NDST1: variants seen among roughly 807,000 people sequenced by gnomAD.
NDST1 encodes the protein bifunctional heparan sulfate N-deacetylase/N-sulfotransferase 1.
NDST1 carries 35 observed loss-of-function variants against 92.8 expected under a neutral mutation model. That is an observed-to-expected ratio of 0.38 (90% confidence interval 0.29 to 0.50). The LOEUF (loss-of-function observed/expected upper bound fraction) is 0.50. Among genes scored for constraint, NDST1 ranks in the 20% least tolerant of loss-of-function variants. The pLI is 0.94. For synonymous variants in NDST1, 493 were observed against 500.3 expected, an observed-to-expected ratio of 0.99 and a Z score of 0.19; for missense variants, 822 against 1,182.7, an observed-to-expected ratio of 0.69 and a Z score of 4.47.
intron 1 of NDST1, among the ~76,000 whole-genome samples, chr5:150,512,253 G>C (rs778639906): frequency 3.7e-4 from 56 of 152,192 alleles, no homozygotes; most frequent in Non-Finnish European, 5.3e-4. Flanking sequence ...TGTGTGTTGG[G>C]GGGGCAGGGA....
At chr5:150,529,946 A>G (rs935614277) in intron 3 of NDST1, among the ~76,000 whole-genome samples, 4 of 152,218 alleles carry the variant, frequency 2.6e-5, no homozygotes, top group African/African-American at 9.6e-5. Context: ...AATGGATGAC[A>G]TTCGGGAGCA....
chr5:150,534,562 G>A (rs554692999), intron 4 of NDST1, among the ~76,000 whole-genome samples: 1 of 152,344 alleles, frequency 6.6e-6, no homozygotes, highest in African/African-American at 2.4e-5. Flanking sequence ...ATCAGAGCAG[G>A]TATGTCAGAG....
intron 5 of NDST1, 117 bp from the exon 6 acceptor site, chr5:150,535,583 G>T: frequency 7.5e-7 from 1 of 1,340,816 alleles, no homozygotes; most frequent in Non-Finnish European, 1.1e-6. Context: ...TGAAGTCTCA[G>T]ACCAGCAGCC....
At position 150,517,434 on chromosome 5, in the gene NDST1, C is replaced by A. The variant is rs546513948; in HGVS notation, c.-387-3434C>A. Among the ~76,000 whole-genome samples, 3 of 152,170 alleles carry A rather than the reference C, an allele frequency of 2.0e-5. No homozygotes were observed. The South Asian group carries it at 6.2e-4, about 32-fold the overall frequency. ...GGACTGCAGGTGTGAGCCACTGTGC[C>A]CAACCCAGAGTGGTAAATTTGTTGC... On this transcript the variant is annotated intron_variant, in intron 1 of 14. Coordinates refer to ENST00000261797, the MANE Select transcript of NDST1 (RefSeq NM_001543.5).
chr5:150,551,635 G>A, intron 13 of NDST1, 118 bp from the exon 14 acceptor site: 2 of 1,288,540 alleles, frequency 1.6e-6, no homozygotes, highest in Non-Finnish European at 2.2e-6. Flanking sequence ...AGTCCATGTG[G>A]GTTCAAGAGC....
chr5:150,539,908 CG>C, intron 7 of NDST1, 173 bp from the exon 8 acceptor site: 1 of 746,226 alleles, frequency 1.3e-6, no homozygotes, highest in Non-Finnish European at 1.6e-6. Flanking sequence ...AGGCCTGGTT[CG>C]TCTGTCACCT....
intron 1 of NDST1, among the ~76,000 whole-genome samples, chr5:150,500,976 C>G (rs975303939): frequency 1.3e-5 from 2 of 152,198 alleles, no homozygotes; most frequent in African/African-American, 4.8e-5. Context: ...ATCTGATTGT[C>G]TATGACGACC....
chr5:150,499,693 C>T (rs1360936074), intron 1 of NDST1, among the ~76,000 whole-genome samples: 1 of 152,210 alleles, frequency 6.6e-6, no homozygotes, highest in Non-Finnish European at 1.5e-5. Context: ...TCGAATCCTC[C>T]CCCAAGATAA....
In NDST1 at chr5:150,533,042, C is replaced by T. The variant is rs745559063; in HGVS notation, c.1096+10C>T. The T allele has an allele frequency of 1.6e-5, 26 of 1,612,074 alleles. No homozygotes were observed. Among genetic ancestry groups the T allele is most frequent in the Non-Finnish European group, 1.4e-5 (17 of 1,178,198 alleles). ...AAATTCTTCCACACAGGTAAGTGGG[C>T]CTGCCCCTGCCCTCACTAGCAACTT... On this transcript the variant is annotated intron_variant, in intron 4 of 14. Coordinates refer to ENST00000261797, the MANE Select transcript of NDST1 (RefSeq NM_001543.5).
chr5:150,551,396 TAA>T (rs796458753), intron 13 of NDST1, among the ~76,000 whole-genome samples: 7 of 145,236 alleles, frequency 4.8e-5, no homozygotes, highest in East Asian at 4.0e-4. Flanking sequence ...TTCTTGGGTT[TAA>T]AAAAAAAAAA....
At chr5:150,520,744 A>G in intron 1 of NDST1, 124 bp from the exon 2 acceptor site, 1 of 392,896 alleles carries the variant, frequency 2.5e-6, no homozygotes, top group Non-Finnish European at 4.5e-6. Context: ...GCTCCAAATC[A>G]TGCAACCTTG....
rs772360625 is a variant in NDST1, at chr5:150,549,669, C to T, written c.2317-9C>T. 65 of 1,592,472 alleles carry T rather than the reference C, an allele frequency of 4.1e-5. No homozygotes were observed. Among genetic ancestry groups the T allele is most frequent in the Non-Finnish European group, 5.6e-5 (65 of 1,160,700 alleles). On this transcript the variant is annotated splice_polypyrimidine_tract_variant and intron_variant, in intron 12 of 14. Coordinates refer to ENST00000261797, the MANE Select transcript of NDST1 (RefSeq NM_001543.5). ...AAAGCAGGTCCCGATCCCCTTTCTC[C>T]CTTTCCAGATTCTGGTCTTGGATGG...
At chr5:150,500,332 T>C (rs1247056828) in intron 1 of NDST1, among the ~76,000 whole-genome samples, 3 of 152,216 alleles carry the variant, frequency 2.0e-5, no homozygotes, top group Non-Finnish European at 4.4e-5. Flanking sequence ...TCTTAGTGCA[T>C]GGAGCCCAGG....
rs2151310799 is a variant in NDST1, at chr5:150,557,943, A to C, written c.*4611A>C. The C allele has an allele frequency of 6.6e-6, 1 of 151,218 alleles. No homozygotes were observed. Among genetic ancestry groups the C allele is most frequent in the South Asian group, 2.1e-4 (1 of 4,746 alleles). The allele number at this position is 151,218 out of a possible 1,614,324, so 9.4% of individuals were successfully genotyped here. ...TGTGTTAGCTTTTATTATTAGCAAG[A>C]GGGCTCCTTTTGTAATTTGTGCATG... On this transcript the variant is annotated 3_prime_UTR_variant, in exon 15 of 15. Coordinates refer to ENST00000261797, the MANE Select transcript of NDST1 (RefSeq NM_001543.5). This position sits in a 1 kb window ranked among gnomAD's most constrained non-coding sequence, Gnocchi z 4.7.
Position 150,542,985 on chromosome 5 carries a change from TC to T in NDST1, c.1970+15del, listed in dbSNP as rs1238129817. 6 of 1,613,798 alleles carry T rather than the reference TC, an allele frequency of 3.7e-6. No individual in the cohort carries two copies. Among genetic ancestry groups the T allele is most frequent in the Non-Finnish European group, 5.1e-6 (6 of 1,179,722 alleles). On this transcript the variant is annotated intron_variant, in intron 10 of 14. Coordinates refer to ENST00000261797, the MANE Select transcript of NDST1 (RefSeq NM_001543.5). The stretch of plus-strand genomic sequence containing the variant: ...AGGCATCGACTGGTGAGTTGGCCTT[TC>T]TGTCCACAGCGGGACGGGAAGGCCA...
chr5:150,523,520 C>T (rs1290210174), intron 2 of NDST1, among the ~76,000 whole-genome samples: 2 of 152,236 alleles, frequency 1.3e-5, no homozygotes, highest in African/African-American at 4.8e-5. Flanking sequence ...AGCAATGTGT[C>T]CAAGCCTACG....
intron 2 of NDST1, among the ~76,000 whole-genome samples, chr5:150,522,218 A>G (rs1035725495): frequency 2.0e-5 from 3 of 151,808 alleles, no homozygotes; most frequent in Non-Finnish European, 4.4e-5. Context: ...GAACCTAGAC[A>G]TAGACAGTTT....
At position 150,553,445 on chromosome 5, in the gene NDST1, C is replaced by T; in HGVS notation, c.*113C>T. ...ACCAGGGCAGCTGCGCACTTATGAG[C>T]AATACTCTGTGGAGGTCTGGTGGGG... On this transcript the variant is annotated 3_prime_UTR_variant, in exon 15 of 15. Transcript: ENST00000261797. The surrounding 1 kb of genome is among the most constrained non-coding windows in gnomAD (Gnocchi z 4.2). 3 of 1,427,692 alleles carry T rather than the reference C, an allele frequency of 2.1e-6. No homozygotes were observed. The Admixed American group carries it at 5.1e-5, about 24-fold the overall frequency. The allele number at this position is 1,427,692 out of a possible 1,614,324, so 88.4% of individuals were successfully genotyped here.
chr5:150,513,215 G>T (rs935554741), intron 1 of NDST1, among the ~76,000 whole-genome samples: 1 of 152,016 alleles, frequency 6.6e-6, no homozygotes, highest in Non-Finnish European at 1.5e-5. Flanking sequence ...AATATGCTGG[G>T]CACAGTGGCT....
Sources: gnomAD v4.1 joint callset for allele counts (sites outside exome capture counted in the v4.1 genomes callset) on GRCh38, gnomAD v4.1.1 for gene constraint, Gnocchi (gnomAD v3.1) non-coding constraint, MANE v1.5 for transcripts, NCBI Gene and HGNC (gene_info 2026-07-23, HGNC 2026-07-21) for gene names.